The following CACNA1A variants were observed in gnomAD, a reference collection of about 807,000 sequenced individuals.
CACNA1A encodes the protein calcium voltage-gated channel subunit alpha1 A.
CACNA1A carries 57 observed loss-of-function variants against 262.4 expected under a neutral mutation model. The ratio of observed to expected loss-of-function variants is 0.22; its 90% CI spans 0.18 to 0.27. The LOEUF (loss-of-function observed/expected upper bound fraction) is 0.27, where lower values mean the gene tolerates loss of function less well. CACNA1A is among the 10% of genes least tolerant of loss of function. The probability of loss-of-function intolerance (pLI) is 1.00; values close to 1 mark genes in which losing one functional copy is unlikely to be tolerated. For missense variants in CACNA1A, 2,526 were observed against 3,562.8 expected (o/e 0.71, Z 7.41); for synonymous variants, 1,431 against 1,419.3 (o/e 1.01, Z -0.18).
In CACNA1A at chr19:13,230,273, G is replaced by T. The variant is rs2055617343; in HGVS notation, c.5401-64C>A. On this transcript the variant is annotated intron_variant, in intron 35 of 46. Coordinates refer to ENST00000360228, the MANE Select transcript of CACNA1A (RefSeq NM_001127222.2). ...AGACCGAGGGAATGAATGAGTGAGTGAGAAGGATACAGACAGACAGACGGA... is the reference window on the plus strand; with the variant it reads ...AGACCGAGGGAATGAATGAGTGAGTTAGAAGGATACAGACAGACAGACGGA... The T allele has an allele frequency of 2.5e-6, 4 of 1,577,638 alleles. No individual in the cohort carries two copies. In the South Asian group the frequency reaches 4.5e-5, roughly 18 times the overall value.
At chr19:13,343,949 G>A (rs1351119657) in intron 6 of CACNA1A, among the ~76,000 whole-genome samples, 1 of 152,146 alleles carries the variant, frequency 6.6e-6, no homozygotes, top group Non-Finnish European at 1.5e-5. Context: ...GGTGGCTCAC[G>A]CCTCTCATCC....
At chr19:13,222,856 G>A (rs956911655) in intron 38 of CACNA1A, among the ~76,000 whole-genome samples, 6 of 151,072 alleles carry the variant, frequency 4.0e-5, no homozygotes, top group African/African-American at 1.2e-4. Context: ...CATGACACCC[G>A]GCTACTTTTT....
chr19:13,245,438 T>G, intron 30 of CACNA1A, 173 bp from the exon 31 acceptor site: 1 of 613,200 alleles, frequency 1.6e-6, no homozygotes, highest in Non-Finnish European at 3.0e-6. Context: ...GTGCTGAGTC[T>G]CCCTCCCTGG....
At chr19:13,231,547 T>C (rs1172629594) in intron 35 of CACNA1A, among the ~76,000 whole-genome samples, 163 bp downstream of exon 35, 2 of 151,944 alleles carry the variant, frequency 1.3e-5, no homozygotes, top group African/African-American at 4.8e-5. Context: ...ATGTCAACAG[T>C]GCTGAGTTTG....
At chr19:13,369,176 G>A (rs1444769264) in intron 4 of CACNA1A, among the ~76,000 whole-genome samples, 1 of 152,132 alleles carries the variant, frequency 6.6e-6, no homozygotes, top group Non-Finnish European at 1.5e-5. Flanking sequence ...CAGCTGCTAT[G>A]GATGTTGGTT....
intron 3 of CACNA1A, among the ~76,000 whole-genome samples, chr19:13,438,327 A>C (rs1181492014): frequency 6.6e-6 from 1 of 152,248 alleles, no homozygotes; most frequent in Non-Finnish European, 1.5e-5. Flanking sequence ...GACCAGCTTC[A>C]TTGCTTGCTT....
chr19:13,402,847 CATATATATAT>C (rs113824375), intron 3 of CACNA1A, among the ~76,000 whole-genome samples: 3 of 110,932 alleles, frequency 2.7e-5, no homozygotes, highest in African/African-American at 6.4e-5. Flanking sequence ...TATATATACA[CATATATATAT>C]ACACACACAC....
intron 14 of CACNA1A, 89 bp from the exon 15 acceptor site, chr19:13,307,943 G>T: frequency 1.4e-6 from 2 of 1,412,380 alleles, no homozygotes; most frequent in Non-Finnish European, 2.0e-6. Flanking sequence ...GGAAACGAAC[G>T]TCTCCATCAT....
intron 3 of CACNA1A, among the ~76,000 whole-genome samples, chr19:13,387,710 G>A (rs1481615065): frequency 6.6e-6 from 1 of 152,164 alleles, no homozygotes; most frequent in Non-Finnish European, 1.5e-5. Flanking sequence ...AAGGCCCTGG[G>A]GCTGGAGAGA....
At chr19:13,395,949 C>T (rs1379257358) in intron 3 of CACNA1A, among the ~76,000 whole-genome samples, 1 of 152,232 alleles carries the variant, frequency 6.6e-6, no homozygotes, top group Non-Finnish European at 1.5e-5. Flanking sequence ...TTAGCATTTA[C>T]ATTGTACACT....
chr19:13,446,288 A>G (rs539543779), intron 3 of CACNA1A, among the ~76,000 whole-genome samples: 1 of 150,678 alleles, frequency 6.6e-6, no homozygotes, highest in African/African-American at 2.4e-5. Flanking sequence ...AGTACTCATT[A>G]AAGTCATCAC....
intron 24 of CACNA1A, 71 bp downstream of exon 24, chr19:13,275,779 T>C: frequency 9.7e-7 from 1 of 1,032,118 alleles, no homozygotes; most frequent in Admixed American, 1.9e-5. Context: ...ACATGTCCTG[T>C]AATCCGATGT....
rs969032815 is a variant in CACNA1A at position 13,207,426 on chromosome 19, G to T, written c.7408C>A (p.Arg2470=). The T allele has an allele frequency of 4.6e-6, 7 of 1,524,266 alleles. No individual in the cohort carries two copies. In the African/African-American group the frequency reaches 9.8e-5, roughly 21 times the overall value. 94.4% of individuals were successfully genotyped at this position (1,524,266 alleles called of 1,614,324 possible). ...GGGTAGTAGCCGTTGGGGAGTCGCC[G>T]GCCGTGCCGAGAAGGCGAGGCGCAG... ...PACASPSRHG[R]RLPNGYYPAH... is the part of the protein sequence containing the mutation. The change falls in exon 47 of 47, where the codon CGG becomes AGG. Residue 2470 remains arginine (R), a synonymous_variant. Transcript: ENST00000360228. This position sits in a 1 kb window ranked among gnomAD's most constrained non-coding sequence, Gnocchi z 5.7.
intron 24 of CACNA1A, among the ~76,000 whole-genome samples, chr19:13,270,843 G>A (rs34767390): frequency 0.18 from 26,784 of 152,090 alleles, 2,747 homozygotes; most frequent in Middle Eastern, 0.24. Context: ...ACTCATGTCC[G>A]TCGGCTCTTC....
intron 6 of CACNA1A, among the ~76,000 whole-genome samples, chr19:13,352,940 T>G (rs1242589081): frequency 2.0e-5 from 3 of 151,674 alleles, no homozygotes; most frequent in Non-Finnish European, 4.4e-5. Context: ...GCCTGGCTAA[T>G]TTTTGTATTT....
intron 29 of CACNA1A, among the ~76,000 whole-genome samples, chr19:13,254,647 C>A (rs140435187): frequency 0.018 from 2,679 of 152,244 alleles, 18 homozygotes; most frequent in African/African-American, 0.025. Flanking sequence ...CAGGCATGAG[C>A]CACCGCGCCC....
intron 6 of CACNA1A, among the ~76,000 whole-genome samples, chr19:13,342,494 C>T (rs1458888280): frequency 6.6e-6 from 1 of 152,138 alleles, no homozygotes; most frequent in Non-Finnish European, 1.5e-5. Context: ...GTCTTTCTTC[C>T]AAGGGCTCAA....
intron 20 of CACNA1A, 62 bp from the exon 21 acceptor site, chr19:13,285,268 C>G (rs2057375003): frequency 6.3e-7 from 1 of 1,588,602 alleles, no homozygotes; most frequent in Admixed American, 1.7e-5. Context: ...TCTGGGAACT[C>G]CTGTGTACTC....
intron 34 of CACNA1A, 28 bp downstream of exon 34, chr19:13,234,893 G>C (rs758632963): frequency 1.1e-5 from 17 of 1,500,934 alleles, no homozygotes; most frequent in Admixed American, 3.3e-5. Context: ...CACGGAAACA[G>C]AATTATCAGA....
Sources: gnomAD v4.1 joint callset for allele counts (sites outside exome capture counted in the v4.1 genomes callset) on GRCh38, gnomAD v4.1.1 for gene constraint, Gnocchi (gnomAD v3.1) non-coding constraint, MANE v1.5 for transcripts, NCBI Gene and HGNC (gene_info 2026-07-23, HGNC 2026-07-21) for gene names.